Variants in SPOCK1 observed in about 807,000 individuals in gnomAD.
SPOCK1 encodes SPARC (osteonectin), cwcv and kazal like domains proteoglycan 1.
A neutral mutation model predicts 55.3 loss-of-function variants in SPOCK1; 23 were observed. That is an observed-to-expected ratio of 0.42 (90% CI 0.30 to 0.59). The LOEUF (loss-of-function observed/expected upper bound fraction) is 0.59, where lower values mean the gene tolerates loss of function less well. Ranked by LOEUF, SPOCK1 falls within the 20% of genes least tolerant of loss-of-function variation. The pLI is 0.22. For missense variants in SPOCK1, 499 were observed against 552.5 expected (o/e 0.90, Z 0.97); for synonymous variants, 226 against 221.0 (o/e 1.02, Z -0.20).
chr5:137,383,704 G>A (rs981141806), intron 2 of SPOCK1, among the ~76,000 whole-genome samples: 8 of 152,232 alleles, frequency 5.3e-5, no homozygotes, highest in Admixed American at 4.6e-4. Flanking sequence ...GGAAGTCCAA[G>A]AAACAGTTAA....
chr5:137,108,566 C>G (rs1258071425), intron 5 of SPOCK1, among the ~76,000 whole-genome samples: 1 of 152,138 alleles, frequency 6.6e-6, no homozygotes, highest in East Asian at 1.9e-4. Flanking sequence ...GTAAAACTCC[C>G]ACTATCCTTG....
intron 2 of SPOCK1, among the ~76,000 whole-genome samples, chr5:137,475,937 T>C (rs1212954385): frequency 6.6e-6 from 1 of 152,134 alleles, no homozygotes; most frequent in Non-Finnish European, 1.5e-5. Flanking sequence ...TTTTTAAAGT[T>C]TCTTCATTAT....
intron 2 of SPOCK1, among the ~76,000 whole-genome samples, chr5:137,393,558 A>C (rs1452590820): frequency 6.6e-6 from 1 of 152,254 alleles, no homozygotes; most frequent in African/African-American, 2.4e-5. Context: ...TGGTATATAC[A>C]TCAAATGACA....
At position 137,140,581 on chromosome 5, in the gene SPOCK1, T is replaced by G. The variant is rs1677168028; in HGVS notation, c.346A>C (p.Arg116=). Reference sequence around the variant, plus strand: ...CAGCCCCCGGCCTTCCTGCCTTACCTGGGGAGCAGGTGCTTGCGGCTGACA... The same window carrying G: ...CAGCCCCCGGCCTTCCTGCCTTACCGGGGGAGCAGGTGCTTGCGGCTGACA... ...LCVSRKHLLP[R]QKKGNVAQKH... is the part of the protein sequence containing the mutation. Residue 116 remains arginine (R), a splice_region_variant and synonymous_variant, in exon 4 of 11, where the codon AGG becomes CGG. Coordinates refer to ENST00000394945, the MANE Select transcript of SPOCK1 (RefSeq NM_004598.4). 2 of 1,612,196 alleles carry G rather than the reference T, an allele frequency of 1.2e-6. No homozygotes were observed. Among genetic ancestry groups the G allele is most frequent in the Non-Finnish European group, 1.7e-6 (2 of 1,179,310 alleles).
intron 2 of SPOCK1, among the ~76,000 whole-genome samples, chr5:137,425,646 C>T (rs1021350760): frequency 2.6e-5 from 4 of 152,186 alleles, no homozygotes; most frequent in Admixed American, 2.0e-4. Context: ...TATATCAAAG[C>T]TTCTCAAGCT....
intron 2 of SPOCK1, among the ~76,000 whole-genome samples, chr5:137,470,243 T>C (rs541706436): frequency 4.0e-4 from 61 of 152,362 alleles, no homozygotes; most frequent in Non-Finnish European, 2.8e-4. Context: ...ACAAGAGCAG[T>C]GTCTGTGTCT....
At chr5:137,225,921 C>T (rs1164438428) in intron 3 of SPOCK1, among the ~76,000 whole-genome samples, 1 of 152,218 alleles carries the variant, frequency 6.6e-6, no homozygotes, top group African/African-American at 2.4e-5. Context: ...GACACTAGGT[C>T]TCCCCCCAGA....
intron 5 of SPOCK1, among the ~76,000 whole-genome samples, chr5:137,098,441 G>A (rs1391843308): frequency 6.6e-6 from 1 of 152,220 alleles, no homozygotes; most frequent in African/African-American, 2.4e-5. Context: ...CAGGGGCCTG[G>A]CAAAGGGTGG....
chr5:137,093,194 T>C (rs1753079651), intron 5 of SPOCK1, among the ~76,000 whole-genome samples: 1 of 152,166 alleles, frequency 6.6e-6, no homozygotes, highest in Admixed American at 6.5e-5. Context: ...ATAGCAGCAG[T>C]TATCAGGATT....
At chr5:137,495,354 A>T (rs1294708137) in intron 2 of SPOCK1, among the ~76,000 whole-genome samples, 6 of 152,306 alleles carry the variant, frequency 3.9e-5, no homozygotes, top group Middle Eastern at 3.4e-3. Flanking sequence ...TGTCATATTC[A>T]TTTCAAAGTT....
At chr5:137,327,506 G>C (rs565561564) in intron 2 of SPOCK1, among the ~76,000 whole-genome samples, 1 of 152,172 alleles carries the variant, frequency 6.6e-6, no homozygotes, top group African/African-American at 2.4e-5. Context: ...TGCCATCAGG[G>C]AAACTGAGAT....
At chr5:136,987,034 A>G (rs1750855051) in intron 8 of SPOCK1, among the ~76,000 whole-genome samples, 1 of 147,472 alleles carries the variant, frequency 6.8e-6, no homozygotes, top group Non-Finnish European at 1.5e-5. Flanking sequence ...CTGTGATTTA[A>G]AAGTCTAAAA....
At chr5:137,278,224 C>A (rs1204100753) in intron 2 of SPOCK1, among the ~76,000 whole-genome samples, 1 of 152,210 alleles carries the variant, frequency 6.6e-6, no homozygotes, top group Non-Finnish European at 1.5e-5. Context: ...AGCCCTGTAT[C>A]CTGAGGCTCC....
chr5:137,202,176 C>T (rs1352858162), intron 3 of SPOCK1, among the ~76,000 whole-genome samples: 2 of 152,162 alleles, frequency 1.3e-5, no homozygotes, highest in Admixed American at 6.5e-5. Context: ...ACATCCCAGA[C>T]TCATGTAGCT....
At chr5:137,239,721 A>G (rs1488754250) in intron 3 of SPOCK1, among the ~76,000 whole-genome samples, 9 of 152,312 alleles carry the variant, frequency 5.9e-5, no homozygotes, top group African/African-American at 2.2e-4. Context: ...GTCTATAGAG[A>G]AAAAGTTTTT....
chr5:137,389,942 G>A (rs1272668435), intron 2 of SPOCK1, among the ~76,000 whole-genome samples: 2 of 151,798 alleles, frequency 1.3e-5, no homozygotes, highest in African/African-American at 2.4e-5. Context: ...TACCACCCCC[G>A]CCCCATCCTA....
At chr5:137,437,052 A>C (rs1341683927) in intron 2 of SPOCK1, among the ~76,000 whole-genome samples, 1 of 152,186 alleles carries the variant, frequency 6.6e-6, no homozygotes, top group African/African-American at 2.4e-5. Flanking sequence ...ACTGTGTAGC[A>C]GACTCACAAT....
intron 3 of SPOCK1, among the ~76,000 whole-genome samples, chr5:137,152,828 G>A (rs1248449931): frequency 6.6e-6 from 1 of 151,996 alleles, no homozygotes. Context: ...TCAAACATCT[G>A]AGGTGCTTTC....
In SPOCK1 at chr5:137,394,259, C is replaced by T. The variant is rs145682668; in HGVS notation, c.186+104114G>A. ...GTGGATCTTTATCTCCACCGGTAGA[C>T]TGTAAAACTCTTTATTAAGACTTTT... is the stretch of plus-strand genomic sequence containing the variant. On this transcript the variant is annotated intron_variant, in intron 2 of 10. Transcript: ENST00000394945. 2.4e-3 allele frequency among the ~76,000 whole-genome samples: 371 copies of T among 152,330 alleles called. 3 individuals carry two copies. The highest frequency in any genetic ancestry group is 8.2e-3 in the African/African-American group (341 of 41,574).
Sources: gnomAD v4.1 joint callset for allele counts (sites outside exome capture counted in the v4.1 genomes callset) on GRCh38, gnomAD v4.1.1 for gene constraint, MANE v1.5 for transcripts, NCBI Gene and HGNC (gene_info 2026-07-23, HGNC 2026-07-21) for gene names.